Variants in TMEM209 observed in about 807,000 individuals in gnomAD.
TMEM209 encodes the protein transmembrane protein 209.
Under a neutral mutation model 76.2 loss-of-function variants are expected in TMEM209, and 65 were observed. That is an observed-to-expected ratio of 0.85 (90% CI 0.70 to 1.05). The LOEUF (loss-of-function observed/expected upper bound fraction) is 1.05. TMEM209 is among the 50% of genes least tolerant of loss of function. The probability of loss-of-function intolerance (pLI) is 0.00; values close to 1 mark genes in which losing one functional copy is unlikely to be tolerated. For missense variants in TMEM209, 623 were observed against 685.5 expected (o/e 0.91, Z 1.02); for synonymous variants, 239 against 237.6 (o/e 1.01, Z -0.06).
chr7:130,174,348 A>G (rs1187241355), intron 11 of TMEM209, among the ~76,000 whole-genome samples: 1 of 152,198 alleles, frequency 6.6e-6, no homozygotes, highest in Non-Finnish European at 1.5e-5. Flanking sequence ...TTTCAAATTG[A>G]AAAAGTTTGA....
At position 130,175,727 on chromosome 7, in the gene TMEM209, CA is replaced by C. The variant is rs1229076390; in HGVS notation, c.1247-119del. On this transcript the variant is annotated intron_variant, in intron 10 of 14. Coordinates refer to ENST00000397622, the MANE Select transcript of TMEM209 (RefSeq NM_032842.4). Reference sequence around the variant, plus strand: ...ATTTAAAAAACTTGATCAAAACACCCAAACCTAAAGAAATAAAAGATATAAA... The same window carrying C: ...ATTTAAAAAACTTGATCAAAACACCCAACCTAAAGAAATAAAAGATATAAA... 4.1e-6 allele frequency: 3 copies of C among 727,622 alleles called. No homozygotes were observed. In the African/African-American group the frequency reaches 5.4e-5, roughly 13 times the overall value. 45.1% of individuals were successfully genotyped at this position (727,622 alleles called of 1,614,324 possible). A position where few individuals can be genotyped will look rare whatever the true frequency, so the allele number is the denominator to read the frequency against.
intron 14 of TMEM209, among the ~76,000 whole-genome samples, chr7:130,169,012 G>A (rs181809342): frequency 4.2e-4 from 64 of 151,912 alleles, no homozygotes; most frequent in African/African-American, 1.5e-3. Context: ...CCGGGCAGGC[G>A]GATCACCTGA....
chr7:130,181,998 T>G (rs1797438306), intron 8 of TMEM209: 2 of 282,858 alleles, frequency 7.1e-6, no homozygotes, highest in South Asian at 7.3e-5. Flanking sequence ...TGGAGTGCAA[T>G]GGCGCAATCT....
chr7:130,196,325 G>C (rs527653049), intron 5 of TMEM209, among the ~76,000 whole-genome samples: 1 of 133,652 alleles, frequency 7.5e-6, no homozygotes, highest in African/African-American at 2.5e-5. Flanking sequence ...CCAATTTTTG[G>C]CTTTTTTTTT....
In TMEM209 at chr7:130,202,413, T is replaced by G. The variant is rs1393774921; in HGVS notation, c.331+119A>C. 2.2e-6 allele frequency: 3 copies of G among 1,354,816 alleles called. No homozygotes were observed. In the Admixed American group the frequency reaches 7.0e-5, roughly 32 times the overall value. The allele number at this position is 1,354,816 out of a possible 1,614,324, so 83.9% of individuals were successfully genotyped here. A position where few individuals can be genotyped will look rare whatever the true frequency, so the allele number is the denominator to read the frequency against. ...ATTGGTCATAAGACAATTTATTGTA[T>G]CCTGCTTAAGATAGCTGATGTCCCT... On this transcript the variant is annotated intron_variant, in intron 4 of 14. Transcript: ENST00000397622.
In TMEM209 at chr7:130,175,604, A is replaced by G. The variant is rs1389587350; in HGVS notation, c.1252T>C (p.Ser418Pro). Reference sequence around the variant, plus strand: ...AATGAGCTCATACAACCTCCCTGAGATAGTTCTGTGGCAACAAGGTGAAAT... The same window carrying G: ...AATGAGCTCATACAACCTCCCTGAGGTAGTTCTGTGGCAACAAGGTGAAAT... ...EYLFERIKEL[S>P]QGGCMSSFRW... The change falls in exon 11 of 15, where the codon TCT becomes CCT. Residue 418 changes from serine (S) to proline (P), a missense_variant. Physicochemically the swap from Ser to Pro is moderately conservative, Grantham distance 74 (BLOSUM62 -1). Coordinates refer to ENST00000397622, the MANE Select transcript of TMEM209 (RefSeq NM_032842.4). 7 of 1,611,762 alleles carry G rather than the reference A, an allele frequency of 4.3e-6. No homozygotes were observed. The highest frequency in any genetic ancestry group is 2.5e-6 in the Non-Finnish European group (3 of 1,179,102).
At chr7:130,166,648 T>C (rs1796892553) in intron 14 of TMEM209, 143 bp from the exon 15 acceptor site, 3 of 501,028 alleles carry the variant, frequency 6.0e-6, no homozygotes, top group South Asian at 8.4e-5. Context: ...ACATGGTTTA[T>C]CAGGTGAATT....
At chr7:130,174,683 A>G (rs1797178081) in intron 11 of TMEM209, among the ~76,000 whole-genome samples, 1 of 152,210 alleles carries the variant, frequency 6.6e-6, no homozygotes, top group South Asian at 2.1e-4. Flanking sequence ...ATGTTCTTTG[A>G]TCTCCTAAAT....
At chr7:130,197,848 G>A (rs1183189016) in intron 5 of TMEM209, among the ~76,000 whole-genome samples, 2 of 152,076 alleles carry the variant, frequency 1.3e-5, no homozygotes, top group Non-Finnish European at 2.9e-5. Context: ...TCTATTTTAT[G>A]GGATTTCCCA....
chr7:130,205,252 G>A (rs532026717), intron 1 of TMEM209, 121 bp downstream of exon 1: 35 of 1,607,348 alleles, frequency 2.2e-5, no homozygotes, highest in African/African-American at 1.3e-4. Flanking sequence ...TTCCCCTAGA[G>A]AGGCGGAACG....
At chr7:130,176,677 A>G (rs1449616952) in intron 10 of TMEM209, among the ~76,000 whole-genome samples, 1 of 152,216 alleles carries the variant, frequency 6.6e-6, no homozygotes, top group Admixed American at 6.5e-5. Context: ...TCTTCTGACA[A>G]ATAAATTGCA....
rs183716648 is a variant in TMEM209, at chr7:130,202,586, T to C, written c.277A>G (p.Thr93Ala). 8.9e-5 allele frequency: 144 copies of C among 1,613,824 alleles called. 1 individual carries two copies. The Middle Eastern group carries it at 2.5e-3, about 28-fold the overall frequency. Residue 93 changes from threonine to alanine, a missense_variant, in exon 4 of 15, where the codon ACA becomes GCA. Physicochemically the swap from Thr to Ala is moderately conservative, Grantham distance 58. Coordinates refer to ENST00000397622, the MANE Select transcript of TMEM209 (RefSeq NM_032842.4). The stretch of plus-strand genomic sequence containing the variant: ...TGTCCAGGACTAACAACCAGACTTG[T>C]TGGTGCCACAGTATATTTGAAATAT... ...WRYFKYTVAP[T>A]SLVVSPGQQT...
At chr7:130,200,230 G>A (rs900340053) in intron 5 of TMEM209, among the ~76,000 whole-genome samples, 4 of 151,912 alleles carry the variant, frequency 2.6e-5, no homozygotes, top group Non-Finnish European at 1.5e-5. Context: ...CAAAAGACAA[G>A]CGAGTAAAGC....
intron 6 of TMEM209, among the ~76,000 whole-genome samples, chr7:130,186,820 T>C (rs1375532036): frequency 6.6e-6 from 1 of 151,938 alleles, no homozygotes; most frequent in Non-Finnish European, 1.5e-5. Context: ...GCACACAATC[T>C]ATAGCTGGAG....
At chr7:130,167,949 GT>G (rs1265000680) in intron 14 of TMEM209, among the ~76,000 whole-genome samples, 1 of 152,092 alleles carries the variant, frequency 6.6e-6, no homozygotes, top group Non-Finnish European at 1.5e-5. Flanking sequence ...AAAAACACTA[GT>G]TTTAGTCTAA....
intron 10 of TMEM209, among the ~76,000 whole-genome samples, chr7:130,176,089 T>C (rs913905698): frequency 6.6e-6 from 1 of 150,640 alleles, no homozygotes; most frequent in African/African-American, 2.4e-5. Flanking sequence ...CTATCCAATC[T>C]AGAACAAGAC....
At chr7:130,205,289 C>T (rs1246830590) in intron 1 of TMEM209, 84 bp downstream of exon 1, 1 of 1,613,042 alleles carries the variant, frequency 6.2e-7, no homozygotes, top group African/African-American at 1.3e-5. Context: ...TTGGCTGAAC[C>T]CAGGACAGAT....
chr7:130,172,306 T>A (rs978516030), intron 13 of TMEM209, among the ~76,000 whole-genome samples: 2 of 152,182 alleles, frequency 1.3e-5, no homozygotes, highest in African/African-American at 4.8e-5. Flanking sequence ...GATAGCTGTA[T>A]GCATGAAGAT....
intron 10 of TMEM209, 53 bp from the exon 11 acceptor site, chr7:130,175,662 GA>G (rs888123708): frequency 3.5e-5 from 46 of 1,332,828 alleles, no homozygotes; most frequent in Admixed American, 7.9e-5. Flanking sequence ...AAAAAGAAAA[GA>G]AAAAAAAAGC....
Sources: gnomAD v4.1 joint callset for allele counts (sites outside exome capture counted in the v4.1 genomes callset) on GRCh38, gnomAD v4.1.1 for gene constraint, MANE v1.5 for transcripts, NCBI Gene and HGNC (gene_info 2026-07-23, HGNC 2026-07-21) for gene names.